Variants in NFAM1 observed in about 807,000 individuals in gnomAD.
NFAM1 encodes NFAT activation molecule 1.
NFAM1 carries 17 observed loss-of-function variants against 29.0 expected under a neutral mutation model. The observed-to-expected ratio is 0.59, with a 90% CI of 0.40 to 0.88. The LOEUF (loss-of-function observed/expected upper bound fraction) is 0.88, where lower values mean the gene tolerates loss of function less well. NFAM1 is among the 40% of genes least tolerant of loss of function. The pLI is 0.00. For missense variants in NFAM1, 324 were observed against 344.6 expected, an observed-to-expected ratio of 0.94 and a Z score of 0.47; for synonymous variants, 175 against 147.2, an observed-to-expected ratio of 1.19 and a Z score of -1.36.
chr22:42,394,920 C>A (rs1159985284), intron 4 of NFAM1, among the ~76,000 whole-genome samples: 1 of 151,968 alleles, frequency 6.6e-6, no homozygotes, highest in African/African-American at 2.4e-5. Context: ...GAACTCAAAA[C>A]CAGCCTGGGC....
At chr22:42,393,432 G>A (rs12158329) in intron 4 of NFAM1, among the ~76,000 whole-genome samples, 5,598 of 150,386 alleles carry the variant, frequency 0.037, 117 homozygotes, top group South Asian at 0.05. Context: ...TTTTTGAGTC[G>A]GAGTCTCGCT....
chr22:42,409,690 G>A lies in NFAM1; in HGVS notation c.452-143C>T, dbSNP rs910613153. 5 of 416,660 alleles carry A rather than the reference G, an allele frequency of 1.2e-5. No homozygotes were observed. Among genetic ancestry groups the A allele is most frequent in the Middle Eastern group, 4.2e-4 (1 of 2,396 alleles). The allele number at this position is 416,660 out of a possible 1,614,324, so 25.8% of individuals were successfully genotyped here. A position where few individuals can be genotyped will look rare whatever the true frequency, so the allele number is the denominator to read the frequency against. ...CCACACCCCACTAGGCCCCCTGGGA[G>A]CCAGGGTTCGGGCCTTCATTGTCCC... On this transcript the variant is annotated intron_variant, in intron 2 of 5. Transcript: ENST00000329021. This position sits in a 1 kb window ranked among gnomAD's most constrained non-coding sequence, Gnocchi z 4.9.
At chr22:42,422,782 G>T (rs1930489373) in intron 1 of NFAM1, among the ~76,000 whole-genome samples, 1 of 152,032 alleles carries the variant, frequency 6.6e-6, no homozygotes, top group Non-Finnish European at 1.5e-5. Context: ...GTGAGGTTGG[G>T]TCTGCTTCTT....
chr22:42,436,331 A>T (rs1930939594), upstream of NFAM1, among the ~76,000 whole-genome samples: 1 of 152,242 alleles, frequency 6.6e-6, no homozygotes, highest in Admixed American at 6.5e-5. Flanking sequence ...TGAGCCGACC[A>T]GCAGGAGGGA....
At chr22:42,411,310 C>T (rs957736524) in intron 2 of NFAM1, 97 bp downstream of exon 2, 195 of 960,998 alleles carry the variant, frequency 2.0e-4, no homozygotes, top group Middle Eastern at 4.7e-4. Flanking sequence ...TGAGCCACTG[C>T]GCCTGGCCCC....
At chr22:42,387,380 A>AG (rs1929186350) in intron 4 of NFAM1, among the ~76,000 whole-genome samples, 1 of 152,074 alleles carries the variant, frequency 6.6e-6, no homozygotes, top group Admixed American at 6.5e-5. Context: ...GGCAAGAGAA[A>AG]GGGCCAGGCC....
intron 4 of NFAM1, among the ~76,000 whole-genome samples, chr22:42,397,034 G>A (rs1186239162): frequency 6.7e-6 from 1 of 150,318 alleles, no homozygotes; most frequent in East Asian, 1.9e-4. Context: ...ACCTGGCGGT[G>A]CCAGATCTCA....
chr22:42,387,073 C>T lies in NFAM1; in HGVS notation c.669G>A (p.Leu223=). The change falls in exon 5 of 6, where the codon CTG becomes CTA. Residue 223 remains leucine, a synonymous_variant. Transcript: ENST00000329021. ...CATAGACCTCGGTCTCGCGGCGCTG[C>T]AGAGCCTACAGGAAACGGGGTGCCA... ...QHPSESVYTA[L]QRRETEVYAC... The T allele has an allele frequency of 1.3e-6, 2 of 1,575,708 alleles. No homozygotes were observed. Among genetic ancestry groups the T allele is most frequent in the South Asian group, 2.3e-5 (2 of 87,046 alleles).
intron 3 of NFAM1, among the ~76,000 whole-genome samples, chr22:42,404,852 C>CAAA (rs397937097): frequency 2.7e-4 from 24 of 88,720 alleles, no homozygotes; most frequent in African/African-American, 7.4e-4. Flanking sequence ...AACTCCATCT[C>CAAA]AAAAAAAAAA....
chr22:42,393,903 T>C (rs969369744), intron 4 of NFAM1, among the ~76,000 whole-genome samples: 1 of 152,344 alleles, frequency 6.6e-6, no homozygotes, highest in Admixed American at 6.5e-5. Context: ...AGACTTGCTT[T>C]ATGGCTCAGT....
At chr22:42,429,610 C>T (rs923678655) in intron 1 of NFAM1, among the ~76,000 whole-genome samples, 4 of 151,628 alleles carry the variant, frequency 2.6e-5, no homozygotes, top group Non-Finnish European at 5.9e-5. Context: ...AGCGAGACTC[C>T]GTCTCAAAAT....
chr22:42,383,870 G>A lies in NFAM1; in HGVS notation c.*1291C>T, dbSNP rs1393951950. ...CTCAGGGAGACATGGGGGAGCAGAG[G>A]GAGGAAGCAGAGCCCAACAGCCCGG... is the stretch of plus-strand genomic sequence containing the variant. On this transcript the variant is annotated 3_prime_UTR_variant, in exon 6 of 6. Transcript: ENST00000329021. The A allele has an allele frequency of 6.5e-6, 1 of 152,860 alleles. No homozygotes were observed. The highest frequency in any genetic ancestry group is 1.5e-5 in the Non-Finnish European group (1 of 68,190). The allele number at this position is 152,860 out of a possible 1,614,324, so 9.5% of individuals were successfully genotyped here.
rs568476175 is a variant in NFAM1, at chr22:42,427,329, A to G, written c.121+4908T>C. On this transcript the variant is annotated intron_variant, in intron 1 of 5. Transcript: ENST00000329021. ...CATTACCCTACCAACGCTGGAGAGG[A>G]GCCAGGGCTCAGGGAGGGCAGAGGA... Among the ~76,000 whole-genome samples, 196 of 152,122 alleles carry G rather than the reference A, an allele frequency of 1.3e-3. No individual in the cohort carries two copies. The Middle Eastern group carries it at 0.014, about 11-fold the overall frequency.
At chr22:42,434,099 C>T (rs1306278386), upstream of NFAM1, among the ~76,000 whole-genome samples, 3 of 152,154 alleles carry the variant, frequency 2.0e-5, no homozygotes, top group Non-Finnish European at 4.4e-5. Flanking sequence ...ACGGTGCCCC[C>T]CACACCCCAA....
chr22:42,409,463 A>G lies in NFAM1; in HGVS notation c.536T>C (p.Val179Ala). Residue 179 changes from valine to alanine, a missense_variant, in exon 3 of 6, where the codon GTG becomes GCG. Coordinates refer to ENST00000329021, the MANE Select transcript of NFAM1 (RefSeq NM_145912.8). This position sits in a 1 kb window ranked among gnomAD's most constrained non-coding sequence, Gnocchi z 4.9. ...FTGLLSVLSV[V>A]GTALLLWNKK... ...GTTCCAGAGCAGCAGGGCCGTGCCCACTACACTCAGGACACTCAGGAGGCC... is the reference window on the plus strand; with the variant it reads ...GTTCCAGAGCAGCAGGGCCGTGCCCGCTACACTCAGGACACTCAGGAGGCC... 6.4e-7 allele frequency: 1 copy of G among 1,553,390 alleles called. No individual in the cohort carries two copies. Among genetic ancestry groups the G allele is most frequent in the Non-Finnish European group, 8.7e-7 (1 of 1,147,588 alleles).
chr22:42,411,948 A>G (rs1230985628), intron 1 of NFAM1, among the ~76,000 whole-genome samples: 1 of 152,162 alleles, frequency 6.6e-6, no homozygotes, highest in African/African-American at 2.4e-5. Context: ...AAATACAAAA[A>G]TTAGCCAGGC....
rs374857074 is a variant in NFAM1, at chr22:42,432,216, A to G, written c.121+21T>C. On this transcript the variant is annotated intron_variant, in intron 1 of 5. Transcript: ENST00000329021. ...TGTTCTGGAGCGAGAGAGTAGAGAG[A>G]AGGAGGAAGACAGACACTACCTGCC... 1.6e-3 allele frequency: 2,548 copies of G among 1,562,052 alleles called. 6 individuals are homozygous for G. Among genetic ancestry groups the G allele is most frequent in the Non-Finnish European group, 1.9e-3 (2,241 of 1,151,404 alleles).
At chr22:42,395,665 G>A (rs900840962) in intron 4 of NFAM1, among the ~76,000 whole-genome samples, 5 of 151,604 alleles carry the variant, frequency 3.3e-5, no homozygotes, top group Non-Finnish European at 7.4e-5. Flanking sequence ...GGCGGACCAC[G>A]AGGTCAGGAG....
chr22:42,434,903 G>C (rs1014270007), upstream of NFAM1, among the ~76,000 whole-genome samples: 6 of 152,318 alleles, frequency 3.9e-5, no homozygotes, highest in Middle Eastern at 6.8e-3. Context: ...GTTTATCCGT[G>C]CATCTATGCC....
Sources: gnomAD v4.1 joint callset for allele counts (sites outside exome capture counted in the v4.1 genomes callset) on GRCh38, gnomAD v4.1.1 for gene constraint, Gnocchi (gnomAD v3.1) non-coding constraint, MANE v1.5 for transcripts, NCBI Gene and HGNC (gene_info 2026-07-23, HGNC 2026-07-21) for gene names.